FHIT: variants seen among roughly 807,000 people sequenced by gnomAD.
The protein encoded by FHIT is bis(5'-adenosyl)-triphosphatase.
A neutral mutation model predicts 17.9 loss-of-function variants in FHIT; 19 were observed. The ratio of observed to expected loss-of-function variants is 1.06; its 90% confidence interval spans 0.74 to 1.56. FHIT has a LOEUF of 1.56. Among genes scored for constraint, FHIT ranks in the 40% most tolerant of loss-of-function variants. The pLI is 0.00. For synonymous variants in FHIT, 81 were observed against 69.7 expected (o/e 1.16, Z -0.81); for missense variants, 248 against 189.2 (o/e 1.31, Z -1.82).
At chr3:59,781,763 T>C (rs1045246685) in intron 8 of FHIT, among the ~76,000 whole-genome samples, 3 of 152,208 alleles carry the variant, frequency 2.0e-5, no homozygotes, top group African/African-American at 7.2e-5. Flanking sequence ...CTCTACCTGG[T>C]CCCAGATGAA....
At chr3:61,095,951 G>A (rs1192278540) in intron 2 of FHIT, among the ~76,000 whole-genome samples, 2 of 152,118 alleles carry the variant, frequency 1.3e-5, no homozygotes, top group African/African-American at 2.4e-5. Context: ...GAGGCCACAG[G>A]CAGATGATCT....
chr3:60,744,720 C>T, intron 4 of FHIT, among the ~76,000 whole-genome samples: 1 of 152,170 alleles, frequency 6.6e-6, no homozygotes, highest in East Asian at 1.9e-4. Flanking sequence ...AGCCTTCCTG[C>T]ATCTGAATAC....
At chr3:59,916,526 A>G (rs7612797) in intron 8 of FHIT, among the ~76,000 whole-genome samples, 64,932 of 152,032 alleles carry the variant, frequency 0.43, 15,228 homozygotes, top group Admixed American at 0.54. Context: ...ACACTAATAC[A>G]TATATTATCT....
chr3:61,091,698 A>G (rs1308619858), intron 2 of FHIT, among the ~76,000 whole-genome samples: 1 of 152,074 alleles, frequency 6.6e-6, no homozygotes, highest in Non-Finnish European at 1.5e-5. Context: ...CTGTAATCTT[A>G]GCACTTTGGG....
intron 4 of FHIT, among the ~76,000 whole-genome samples, chr3:60,785,875 A>T (rs1218431310): frequency 1.3e-5 from 2 of 148,290 alleles, no homozygotes; most frequent in Non-Finnish European, 3.0e-5. Flanking sequence ...AATAAAGCTA[A>T]CTCAAATGCA....
chr3:59,783,718 A>T (rs1219889538), intron 8 of FHIT, among the ~76,000 whole-genome samples: 2 of 151,874 alleles, frequency 1.3e-5, no homozygotes, highest in African/African-American at 4.8e-5. Context: ...GTGAGCACAC[A>T]CCTCCCCATC....
chr3:60,111,492 T>A (rs957902489), intron 5 of FHIT, among the ~76,000 whole-genome samples: 2 of 152,216 alleles, frequency 1.3e-5, no homozygotes, highest in Non-Finnish European at 2.9e-5. Context: ...CCATGCAGAT[T>A]AGTTTCTTCC....
chr3:60,379,590 C>T (rs1329271081), intron 5 of FHIT, among the ~76,000 whole-genome samples: 4 of 152,044 alleles, frequency 2.6e-5, no homozygotes, highest in Non-Finnish European at 5.9e-5. Context: ...CCATTTATTT[C>T]GGTATTCAGA....
intron 2 of FHIT, among the ~76,000 whole-genome samples, chr3:61,103,934 T>C (rs961914948): frequency 6.6e-6 from 1 of 151,964 alleles, no homozygotes; most frequent in African/African-American, 2.4e-5. Flanking sequence ...TCTTCCTCCA[T>C]CCCTTTATTT....
chr3:61,076,878 C>G (rs2034988997), intron 2 of FHIT, among the ~76,000 whole-genome samples: 1 of 152,140 alleles, frequency 6.6e-6, no homozygotes, highest in Admixed American at 6.5e-5. Flanking sequence ...CATCCTGTTT[C>G]TTTTGGTTCT....
At chr3:60,605,647 G>A (rs1481377390) in intron 4 of FHIT, among the ~76,000 whole-genome samples, 1 of 152,294 alleles carries the variant, frequency 6.6e-6, no homozygotes, top group South Asian at 2.1e-4. Context: ...CAAGGTCCTT[G>A]CATCCAGGAG....
At chr3:59,780,536 GC>G (rs1702534637) in intron 8 of FHIT, among the ~76,000 whole-genome samples, 1 of 152,128 alleles carries the variant, frequency 6.6e-6, no homozygotes, top group Non-Finnish European at 1.5e-5. Flanking sequence ...GAATGTGTGT[GC>G]CCCCACCACT....
At chr3:59,851,674 G>C (rs947872597) in intron 8 of FHIT, among the ~76,000 whole-genome samples, 9 of 152,172 alleles carry the variant, frequency 5.9e-5, no homozygotes, top group Non-Finnish European at 1.3e-4. Context: ...GTTCTCAAGA[G>C]ACAAGAGGGT....
At chr3:60,915,043 C>T (rs916557832) in intron 3 of FHIT, among the ~76,000 whole-genome samples, 5 of 152,194 alleles carry the variant, frequency 3.3e-5, no homozygotes, top group African/African-American at 1.2e-4. Context: ...CCTCAATGTT[C>T]CGAACACTTG....
intron 4 of FHIT, among the ~76,000 whole-genome samples, chr3:60,782,225 G>T (rs1378559881): frequency 1.1e-5 from 1 of 90,448 alleles, no homozygotes; most frequent in Admixed American, 9.6e-5. Flanking sequence ...TTCATTGTGT[G>T]TGTGTGTGTG....
At position 60,590,244 on chromosome 3, in the gene FHIT, A is replaced by G. The variant is rs140559667; in HGVS notation, c.-17-53265T>C. On this transcript the variant is annotated intron_variant, in intron 4 of 9. Coordinates refer to ENST00000492590, the MANE Select transcript of FHIT (RefSeq NM_002012.4). ...AGATCAGACCACCTTGGCGGACATC[A>G]AAGATCTAATTCAAATGACATCTAC... Among the ~76,000 whole-genome samples, 5 of 152,182 alleles carry G rather than the reference A, an allele frequency of 3.3e-5. No homozygotes were observed. The East Asian group carries it at 7.8e-4, about 24-fold the overall frequency.
At chr3:61,095,249 G>T (rs2035603215) in intron 2 of FHIT, among the ~76,000 whole-genome samples, 1 of 152,210 alleles carries the variant, frequency 6.6e-6, no homozygotes, top group African/African-American at 2.4e-5. Flanking sequence ...GTGGACAGAA[G>T]TAGCTGTGAA....
At chr3:60,641,296 G>T (rs572928329) in intron 4 of FHIT, among the ~76,000 whole-genome samples, 1 of 152,176 alleles carries the variant, frequency 6.6e-6, no homozygotes, top group African/African-American at 2.4e-5. Flanking sequence ...TTGCATATAT[G>T]TAAGAATATT....
At chr3:60,730,869 C>G (rs2042013409) in intron 4 of FHIT, among the ~76,000 whole-genome samples, 1 of 151,634 alleles carries the variant, frequency 6.6e-6, no homozygotes, top group Non-Finnish European at 1.5e-5. Context: ...GTAATCCTAG[C>G]ACTTTGGGAG....
Sources: gnomAD v4.1 joint callset for allele counts (sites outside exome capture counted in the v4.1 genomes callset) on GRCh38, gnomAD v4.1.1 for gene constraint, MANE v1.5 for transcripts, NCBI Gene and HGNC (gene_info 2026-07-23, HGNC 2026-07-21) for gene names.